CACNA2D1: variants seen among roughly 807,000 people sequenced by gnomAD.
The protein encoded by CACNA2D1 is calcium voltage-gated channel auxiliary subunit alpha2delta 1.
Under a neutral mutation model 171.5 loss-of-function variants are expected in CACNA2D1, and 53 were observed. That is an observed-to-expected ratio of 0.31 (90% CI 0.25 to 0.39). The LOEUF (loss-of-function observed/expected upper bound fraction) is 0.39. Ranked by LOEUF, CACNA2D1 falls within the 10% of genes least tolerant of loss-of-function variation. The pLI, the probability that CACNA2D1 is intolerant of heterozygous loss-of-function variation, is 1.00. For synonymous variants in CACNA2D1, 442 were observed against 443.1 expected, an observed-to-expected ratio of 1.00 and a Z score of 0.03; for missense variants, 903 against 1,299.8, an observed-to-expected ratio of 0.69 and a Z score of 4.69.
chr7:81,952,143 CTA>C (rs2129976142), intron 38 of CACNA2D1, among the ~76,000 whole-genome samples: 1 of 151,052 alleles, frequency 6.6e-6, no homozygotes, highest in East Asian at 1.9e-4. Context: ...TGAGAACTGT[CTA>C]TTCATGTTTT....
chr7:82,410,588 C>T, intron 1 of CACNA2D1: 3 of 875,336 alleles, frequency 3.4e-6, no homozygotes, highest in Non-Finnish European at 4.1e-6. Context: ...TAGGAAGTCC[C>T]TCACACCTGT....
At chr7:82,335,054 A>G in intron 3 of CACNA2D1, 81 bp downstream of exon 3, 1 of 922,118 alleles carries the variant, frequency 1.1e-6, no homozygotes, top group South Asian at 1.3e-5. Flanking sequence ...ACGCATACCA[A>G]AACCCCTCAA....
intron 3 of CACNA2D1, among the ~76,000 whole-genome samples, chr7:82,286,060 G>A (rs1011788623): frequency 3.3e-5 from 5 of 151,758 alleles, no homozygotes; most frequent in South Asian, 2.1e-4. Flanking sequence ...GCTCTGCCAC[G>A]CCCCCTTGTA....
At chr7:82,033,770 T>C (rs1802991979) in intron 11 of CACNA2D1, among the ~76,000 whole-genome samples, 1 of 152,072 alleles carries the variant, frequency 6.6e-6, no homozygotes, top group Non-Finnish European at 1.5e-5. Context: ...GCCATTAAAA[T>C]GAACAATTAA....
intron 1 of CACNA2D1, among the ~76,000 whole-genome samples, chr7:82,418,054 T>G (rs1828350314): frequency 2.0e-5 from 3 of 152,028 alleles, no homozygotes; most frequent in Admixed American, 6.6e-5. Flanking sequence ...AGGAAAGAGG[T>G]TTAATTAACT....
At chr7:82,195,804 A>G (rs571980768) in intron 3 of CACNA2D1, among the ~76,000 whole-genome samples, 1 of 152,008 alleles carries the variant, frequency 6.6e-6, no homozygotes, top group African/African-American at 2.4e-5. Context: ...ACCATCCCAC[A>G]CTTTTGCAAC....
intron 3 of CACNA2D1, among the ~76,000 whole-genome samples, chr7:82,239,287 G>A (rs960549900): frequency 3.3e-5 from 5 of 151,320 alleles, no homozygotes; most frequent in African/African-American, 9.7e-5. Flanking sequence ...GAACCAATAC[G>A]ATAAATTTGG....
intron 1 of CACNA2D1, among the ~76,000 whole-genome samples, chr7:82,398,894 T>A (rs574155573): frequency 6.6e-6 from 1 of 152,068 alleles, no homozygotes; most frequent in Non-Finnish European, 1.5e-5. Flanking sequence ...CTCCCCTTTT[T>A]TTTTCCTTCC....
intron 25 of CACNA2D1, among the ~76,000 whole-genome samples, chr7:81,973,456 C>T (rs1342741261): frequency 6.6e-6 from 1 of 151,904 alleles, no homozygotes; most frequent in African/African-American, 2.4e-5. Flanking sequence ...TGCAATAAAT[C>T]GAAGTTAAGA....
chr7:81,981,309 G>A (rs1364625044), intron 24 of CACNA2D1, among the ~76,000 whole-genome samples: 1 of 152,140 alleles, frequency 6.6e-6, no homozygotes, highest in African/African-American at 2.4e-5. Flanking sequence ...ACAGAATAGT[G>A]TGTCATCAAG....
At chr7:82,175,236 C>T (rs1219975567) in intron 3 of CACNA2D1, among the ~76,000 whole-genome samples, 1 of 151,928 alleles carries the variant, frequency 6.6e-6, no homozygotes, top group African/African-American at 2.4e-5. Flanking sequence ...AATGTTGGTA[C>T]TCTTGTTTAT....
intron 10 of CACNA2D1, among the ~76,000 whole-genome samples, chr7:82,045,447 T>C (rs574943472): frequency 2.0e-4 from 31 of 152,142 alleles, no homozygotes; most frequent in Non-Finnish European, 3.5e-4. Context: ...AGTCAGGAAA[T>C]TATTCATCTG....
At chr7:82,320,009 A>G (rs531116782) in intron 3 of CACNA2D1, among the ~76,000 whole-genome samples, 1 of 152,246 alleles carries the variant, frequency 6.6e-6, no homozygotes, top group South Asian at 2.1e-4. Context: ...GCTGGATAAT[A>G]CATGCAAGAT....
chr7:82,211,345 C>T (rs1800530842), intron 3 of CACNA2D1, among the ~76,000 whole-genome samples: 1 of 152,004 alleles, frequency 6.6e-6, no homozygotes, highest in South Asian at 2.1e-4. Flanking sequence ...AGCTTTTTGA[C>T]CCTCACCCTT....
rs117224294 is a variant in CACNA2D1, at chr7:82,208,765, T to C, written c.295-38156A>G. On this transcript the variant is annotated intron_variant, in intron 3 of 38. Transcript: ENST00000356860. ...TGGAGGAATAAGTTCAAGAGTTGCA[T>C]TGTACAACATGGTGACTATAGTTAA... is the stretch of plus-strand genomic sequence containing the variant. 4.4e-3 allele frequency among the ~76,000 whole-genome samples: 665 copies of C among 152,258 alleles called. 12 individuals are homozygous for C. In the East Asian group the frequency reaches 0.072, roughly 17 times the overall value.
chr7:82,134,189 C>A (rs528102015), intron 5 of CACNA2D1, among the ~76,000 whole-genome samples: 14 of 152,160 alleles, frequency 9.2e-5, no homozygotes, highest in Non-Finnish European at 1.8e-4. Flanking sequence ...ATGCCATCTT[C>A]TTCCCTCCTT....
chr7:82,002,479 T>G (rs988015571), intron 18 of CACNA2D1, among the ~76,000 whole-genome samples: 6 of 152,240 alleles, frequency 3.9e-5, no homozygotes. Context: ...GTTTTAACGT[T>G]TCATATTTGT....
At chr7:82,039,908 C>T (rs1354086263) in intron 10 of CACNA2D1, among the ~76,000 whole-genome samples, 3 of 152,138 alleles carry the variant, frequency 2.0e-5, no homozygotes, top group African/African-American at 7.2e-5. Flanking sequence ...AGGGCTAGAT[C>T]ATGTGGAGTC....
intron 3 of CACNA2D1, among the ~76,000 whole-genome samples, chr7:82,301,368 G>A (rs555266589): frequency 1.2e-4 from 19 of 152,012 alleles, no homozygotes; most frequent in Non-Finnish European, 2.2e-4. Context: ...CAGGTGATCC[G>A]CCTGCCTCAG....
Sources: gnomAD v4.1 joint callset for allele counts (sites outside exome capture counted in the v4.1 genomes callset) on GRCh38, gnomAD v4.1.1 for gene constraint, MANE v1.5 for transcripts, NCBI Gene and HGNC (gene_info 2026-07-23, HGNC 2026-07-21) for gene names.